Variants in RTF1 observed in about 807,000 individuals in gnomAD.
RTF1 encodes RNA polymerase-associated protein RTF1 homolog.
RTF1 carries 10 observed loss-of-function variants against 95.7 expected under a neutral mutation model. That is an observed-to-expected ratio of 0.10 (90% CI 0.06 to 0.18). RTF1 has a LOEUF of 0.18. RTF1 is among the 10% of genes least tolerant of loss of function. The pLI, the probability that RTF1 is intolerant of heterozygous loss-of-function variation, is 1.00. For missense variants in RTF1, 458 were observed against 875.6 expected, an observed-to-expected ratio of 0.52 and a Z score of 6.02; for synonymous variants, 305 against 311.8, an observed-to-expected ratio of 0.98 and a Z score of 0.23.
intron 11 of RTF1, 119 bp from the exon 12 acceptor site, chr15:41,476,327 T>C (rs922011912): frequency 1.2e-5 from 9 of 750,400 alleles, no homozygotes; most frequent in Non-Finnish European, 1.9e-5. Flanking sequence ...GGCATGACAC[T>C]GCTGTAGGAA....
At chr15:41,471,651 C>G (rs1300308073) in intron 8 of RTF1, among the ~76,000 whole-genome samples, 1 of 152,078 alleles carries the variant, frequency 6.6e-6, no homozygotes, top group East Asian at 1.9e-4. Context: ...GTTACATAAT[C>G]TAAAAGATTT....
rs1281508493 is a variant in RTF1 at position 41,482,216 on chromosome 15, A to T, written c.*1529A>T. ...TGTATGTCTTTATGAAATGTTTGAA[A>T]AGAGATAAACTGACTGCTTGATAAT... On this transcript the variant is annotated 3_prime_UTR_variant, in exon 18 of 18. Transcript: ENST00000389629. The T allele has an allele frequency of 1.3e-5, 2 of 152,700 alleles. No homozygotes were observed. The highest frequency in any genetic ancestry group is 3.8e-4 in the East Asian group (2 of 5,206). 9.5% of individuals were successfully genotyped at this position (152,700 alleles called of 1,614,324 possible).
In RTF1 at chr15:41,470,245, C is replaced by CT. The variant is rs755162062; in HGVS notation, c.890-9dup. 2 of 1,607,402 alleles carry CT rather than the reference C, an allele frequency of 1.2e-6. No homozygotes were observed. Among genetic ancestry groups the CT allele is most frequent in the East Asian group, 4.5e-5 (2 of 44,750 alleles). On this transcript the variant is annotated splice_polypyrimidine_tract_variant and intron_variant, in intron 6 of 17. Transcript: ENST00000389629. ...GAGAAAACCTAGGTAAACATCTCTTCTTTCTTTCTAGCTGAGCTCCTTGCC... is the reference window on the plus strand; with the variant it reads ...GAGAAAACCTAGGTAAACATCTCTTCTTTTCTTTCTAGCTGAGCTCCTTGCC...
chr15:41,452,122 GT>G (rs1291861624), intron 2 of RTF1, among the ~76,000 whole-genome samples: 1 of 152,128 alleles, frequency 6.6e-6, no homozygotes, highest in Admixed American at 6.6e-5. Context: ...AAGTTCTAAA[GT>G]TTTAAGCAAG....
chr15:41,445,248 G>A (rs868231120), intron 2 of RTF1, among the ~76,000 whole-genome samples: 1 of 152,022 alleles, frequency 6.6e-6, no homozygotes, highest in Admixed American at 6.6e-5. Context: ...TGAGCTTTAT[G>A]TTTTACATAT....
chr15:41,478,084 G>C (rs557305453), intron 14 of RTF1, among the ~76,000 whole-genome samples: 1 of 151,110 alleles, frequency 6.6e-6, no homozygotes, highest in African/African-American at 2.4e-5. Flanking sequence ...GCCTGGGCAA[G>C]AGAGCGAGAA....
At chr15:41,426,774 CATAT>C (rs201108073) in intron 1 of RTF1, among the ~76,000 whole-genome samples, 81 of 75,172 alleles carry the variant, frequency 1.1e-3, no homozygotes, top group African/African-American at 3.3e-3. Context: ...CCAGCCGCTA[CATAT>C]ATATGTGTGT....
At chr15:41,443,510 C>A (rs2730055) in intron 2 of RTF1, among the ~76,000 whole-genome samples, 51,957 of 151,464 alleles carry the variant, frequency 0.34, 9,037 homozygotes, top group African/African-American at 0.4. Context: ...ATCAGAGAAG[C>A]ATCATCAAAG....
chr15:41,461,987 T>G (rs2050851853), intron 4 of RTF1, among the ~76,000 whole-genome samples: 1 of 150,786 alleles, frequency 6.6e-6, no homozygotes, highest in Non-Finnish European at 1.5e-5. Flanking sequence ...ACTCCTGGCC[T>G]CAAGCAATTC....
intron 2 of RTF1, among the ~76,000 whole-genome samples, chr15:41,449,598 C>G (rs1197645195): frequency 6.6e-6 from 1 of 152,006 alleles, no homozygotes; most frequent in East Asian, 1.9e-4. Context: ...CCACTATGGC[C>G]TCCCAAAGTG....
intron 11 of RTF1, among the ~76,000 whole-genome samples, chr15:41,476,232 TC>T (rs1417839129): frequency 6.6e-6 from 1 of 152,188 alleles, no homozygotes; most frequent in African/African-American, 2.4e-5. Context: ...TGGTGCATGT[TC>T]CTTCAGCCTG....
intron 15 of RTF1, chr15:41,478,843 C>T (rs769662166): frequency 5.7e-5 from 35 of 609,202 alleles, no homozygotes; most frequent in Middle Eastern, 8.4e-4. Context: ...GTGACTGATC[C>T]TCCTGTATCA....
intron 3 of RTF1, among the ~76,000 whole-genome samples, chr15:41,453,276 G>A (rs1449608723): frequency 6.6e-6 from 1 of 152,042 alleles, no homozygotes; most frequent in Non-Finnish European, 1.5e-5. Flanking sequence ...CCTATCCCTG[G>A]AACCCACGAG....
intron 14 of RTF1, among the ~76,000 whole-genome samples, chr15:41,477,863 T>C (rs1204727146): frequency 6.6e-6 from 1 of 152,166 alleles, no homozygotes; most frequent in Non-Finnish European, 1.5e-5. Flanking sequence ...CCCAGCACTT[T>C]GGGAGGCCGA....
intron 1 of RTF1, among the ~76,000 whole-genome samples, chr15:41,425,195 G>A (rs961234167): frequency 2.0e-5 from 3 of 151,988 alleles, no homozygotes; most frequent in Middle Eastern, 6.8e-3. Context: ...TTCGCCTCCC[G>A]GGTTCATACC....
At chr15:41,417,341 C>T in intron 1 of RTF1, 28 bp downstream of exon 1, 1 of 1,245,584 alleles carries the variant, frequency 8.0e-7, no homozygotes. Context: ...AGGCGCGGGC[C>T]GGCGGAGCCA....
intron 1 of RTF1, among the ~76,000 whole-genome samples, chr15:41,430,016 T>C (rs1409672168): frequency 6.7e-6 from 1 of 149,090 alleles, no homozygotes; most frequent in Non-Finnish European, 1.5e-5. Flanking sequence ...CTTTTCTTTT[T>C]TTTTTTTTTG....
chr15:41,424,808 C>T (rs1187451808), intron 1 of RTF1, among the ~76,000 whole-genome samples: 1 of 151,992 alleles, frequency 6.6e-6, no homozygotes, highest in Non-Finnish European at 1.5e-5. Flanking sequence ...GCCAGGAGTT[C>T]GACCAGGCGG....
chr15:41,465,406 C>T lies in RTF1; in HGVS notation c.777+521C>T, dbSNP rs559847203. Among the ~76,000 whole-genome samples, 11 of 152,248 alleles carry T rather than the reference C, an allele frequency of 7.2e-5. No individual in the cohort carries two copies. In the South Asian group the frequency reaches 1.9e-3, roughly 26 times the overall value. On this transcript the variant is annotated intron_variant, in intron 5 of 17. Coordinates refer to ENST00000389629, the MANE Select transcript of RTF1 (RefSeq NM_015138.5). The stretch of plus-strand genomic sequence containing the variant: ...GTGTAATCCCAGCACTTTGAGAGGC[C>T]GAGGCAGACAGATCACTCAAGGCCA...
Sources: gnomAD v4.1 joint callset for allele counts (sites outside exome capture counted in the v4.1 genomes callset) on GRCh38, gnomAD v4.1.1 for gene constraint, MANE v1.5 for transcripts, NCBI Gene and HGNC (gene_info 2026-07-23, HGNC 2026-07-21) for gene names.